TRAK2: variants seen among roughly 807,000 people sequenced by gnomAD.
TRAK2 encodes the protein trafficking kinesin protein 2.
TRAK2 carries 81 observed loss-of-function variants against 104.6 expected under a neutral mutation model. The observed-to-expected ratio is 0.77, with a 90% CI of 0.65 to 0.93. TRAK2 has a LOEUF of 0.93. Ranked by LOEUF, TRAK2 falls within the 40% of genes least tolerant of loss-of-function variation. The pLI is 0.00. For missense variants in TRAK2, 1,002 were observed against 1,089.0 expected, an observed-to-expected ratio of 0.92 and a Z score of 1.12; for synonymous variants, 406 against 394.4, an observed-to-expected ratio of 1.03 and a Z score of -0.35.
chr2:201,397,717 T>C, intron 6 of TRAK2, 137 bp from the exon 7 acceptor site: 1 of 628,034 alleles, frequency 1.6e-6, no homozygotes, highest in South Asian at 2.1e-5. Flanking sequence ...TTCATACATC[T>C]CTACCTGGCT....
chr2:201,420,579 C>T lies in TRAK2; in HGVS notation c.-72G>A. ...ATCAGAGTAAAGGAAATCCATCAAG[C>T]CATTCAATAATGAAATGGATTTGGT... On this transcript the variant is annotated 5_prime_UTR_variant, in exon 2 of 16. Transcript: ENST00000332624. 4.8e-6 allele frequency: 6 copies of T among 1,260,140 alleles called. No homozygotes were observed. Among genetic ancestry groups the T allele is most frequent in the South Asian group, 3.7e-5 (3 of 81,768 alleles). The allele number at this position is 1,260,140 out of a possible 1,614,324, so 78.1% of individuals were successfully genotyped here.
chr2:201,410,788 G>A (rs1951638760), intron 2 of TRAK2: 1 of 1,606,268 alleles, frequency 6.2e-7, no homozygotes, highest in Admixed American at 1.7e-5. Context: ...GCTAACTTTG[G>A]GTTTCTGAGG....
At chr2:201,450,688 C>CTT (rs369626279) in intron 1 of TRAK2, among the ~76,000 whole-genome samples, 68 of 137,362 alleles carry the variant, frequency 5.0e-4, no homozygotes, top group East Asian at 1.5e-3. Context: ...GTGAAGTTAC[C>CTT]TTTTTTTTTT....
At chr2:201,424,442 C>T (rs1446614249) in intron 1 of TRAK2, among the ~76,000 whole-genome samples, 3 of 151,846 alleles carry the variant, frequency 2.0e-5, no homozygotes, top group Non-Finnish European at 2.9e-5. Flanking sequence ...AGTGTATAAC[C>T]GGCTATCTAG....
At chr2:201,388,137 A>C in intron 12 of TRAK2, 136 bp from the exon 13 acceptor site, 1 of 919,504 alleles carries the variant, frequency 1.1e-6, no homozygotes, top group Non-Finnish European at 1.7e-6. Context: ...GGAATATAGA[A>C]GTAATAACAA....
At chr2:201,416,068 T>C (rs1951689459) in intron 2 of TRAK2, among the ~76,000 whole-genome samples, 1 of 151,846 alleles carries the variant, frequency 6.6e-6, no homozygotes, top group Admixed American at 6.6e-5. Flanking sequence ...TTTAGAATCA[T>C]GTGTCAGTGA....
chr2:201,438,744 C>T (rs1309244622), intron 1 of TRAK2, among the ~76,000 whole-genome samples: 1 of 152,176 alleles, frequency 6.6e-6, no homozygotes, highest in African/African-American at 2.4e-5. Context: ...AAGTAATCCG[C>T]TCCCCCCAAC....
Position 201,386,407 on chromosome 2 carries a change from T to C in TRAK2, c.1774A>G (p.Ile592Val), listed in dbSNP as rs1182194993. Residue 592 changes from isoleucine to valine, a missense_variant, in exon 14 of 16, where the codon ATT becomes GTT. Transcript: ENST00000332624. ...GTILDPRPGV[I>V]TKGFTQLPGD... ...GGCAACTGGGTAAAGCCTTTAGTAA[T>C]GACACCTGGTCGTGGATCAAGGATG... 2 of 1,614,192 alleles carry C rather than the reference T, an allele frequency of 1.2e-6. No homozygotes were observed. The highest frequency in any genetic ancestry group is 1.7e-6 in the Non-Finnish European group (2 of 1,180,020).
In TRAK2 at chr2:201,387,957, T is replaced by C; in HGVS notation, c.1442A>G (p.Asp481Gly). Residue 481 changes from aspartate to glycine, a missense_variant, in exon 13 of 16, where the codon GAT (aspartate) becomes GGT (glycine). By Grantham distance (94) the Asp-to-Gly change is moderately conservative (BLOSUM62 -1). Coordinates refer to ENST00000332624, the MANE Select transcript of TRAK2 (RefSeq NM_015049.3). The stretch of plus-strand genomic sequence containing the variant: ...AAGGCGATGCAGTGCTGTAGCCAAA[T>C]CACTATCTCCTGAGGGTCCTGGTTG... ...MGQPGPSGDS[D>G]LATALHRLSL... 1 of 1,614,100 alleles carries C rather than the reference T, an allele frequency of 6.2e-7. No individual in the cohort carries two copies. Among genetic ancestry groups the C allele is most frequent in the Non-Finnish European group, 8.5e-7 (1 of 1,179,984 alleles).
intron 10 of TRAK2, among the ~76,000 whole-genome samples, chr2:201,390,772 T>C (rs933345670): frequency 6.6e-6 from 1 of 151,826 alleles, no homozygotes; most frequent in African/African-American, 2.4e-5. Context: ...TTCTGTAATT[T>C]CCAACTTTTC....
At chr2:201,433,000 T>C (rs2125659674) in intron 1 of TRAK2, among the ~76,000 whole-genome samples, 2 of 152,308 alleles carry the variant, frequency 1.3e-5, no homozygotes, top group Middle Eastern at 6.8e-3. Flanking sequence ...GATAAGCTAA[T>C]TTAAAAAATG....
intron 2 of TRAK2, among the ~76,000 whole-genome samples, chr2:201,414,281 A>C (rs1404426219): frequency 6.6e-6 from 1 of 152,210 alleles, no homozygotes; most frequent in Admixed American, 6.5e-5. Flanking sequence ...CTGTTTACAA[A>C]AAAGGAGAGT....
At chr2:201,412,170 T>G (rs1951652924) in intron 2 of TRAK2, 1 of 970,652 alleles carries the variant, frequency 1.0e-6, no homozygotes, top group Non-Finnish European at 1.7e-6. Context: ...AAAGGTACCA[T>G]GTCAGGGTTT....
At chr2:201,406,542 T>A (rs1458166218) in intron 3 of TRAK2, among the ~76,000 whole-genome samples, 2 of 152,312 alleles carry the variant, frequency 1.3e-5, no homozygotes, top group South Asian at 4.1e-4. Context: ...TATTGCACAA[T>A]AGTCCTTCTC....
At chr2:201,394,765 C>T (rs367645139) in intron 9 of TRAK2, 33 bp downstream of exon 9, 48 of 1,564,840 alleles carry the variant, frequency 3.1e-5, no homozygotes, top group Non-Finnish European at 4.0e-5. Flanking sequence ...ACTCTTTCCC[C>T]TCCTGAATTA....
At chr2:201,397,814 TTC>T (rs370565106) in intron 6 of TRAK2, 58 of 554,134 alleles carry the variant, frequency 1.0e-4, no homozygotes, top group Middle Eastern at 9.5e-4. Context: ...TATTGTGATT[TTC>T]TGAGATAGTT....
chr2:201,423,187 GC>G (rs1559450379), intron 1 of TRAK2, among the ~76,000 whole-genome samples: 2 of 152,002 alleles, frequency 1.3e-5, no homozygotes, highest in African/African-American at 2.4e-5. Context: ...TGATCCTCCT[GC>G]CTCAACTCCC....
At chr2:201,413,262 G>A (rs1951663701) in intron 2 of TRAK2, 6 of 1,338,510 alleles carry the variant, frequency 4.5e-6, no homozygotes, top group African/African-American at 1.4e-5. Context: ...GACATCAGCT[G>A]TTACTTCTGT....
At position 201,377,993 on chromosome 2, in the gene TRAK2, G is replaced by A. The variant is rs1216835969; in HGVS notation, c.*2550C>T. On this transcript the variant is annotated 3_prime_UTR_variant, in exon 16 of 16. Transcript: ENST00000332624. The stretch of plus-strand genomic sequence containing the variant: ...ACAAAACATAACAGATAAATTGGGA[G>A]GAATCAGCTATTAGGCTCCAATTCT... The A allele has an allele frequency of 1.3e-5, 2 of 152,364 alleles. No individual in the cohort carries two copies. Among genetic ancestry groups the A allele is most frequent in the African/African-American group, 2.4e-5 (1 of 41,428 alleles). 9.4% of individuals were successfully genotyped at this position (152,364 alleles called of 1,614,324 possible). A position where few individuals can be genotyped will look rare whatever the true frequency, so the allele number is the denominator to read the frequency against.
Sources: allele counts gnomAD v4.1 joint callset (sites outside exome capture counted in the v4.1 genomes callset), GRCh38; gene constraint gnomAD v4.1.1; transcripts MANE v1.5; gene names NCBI Gene and HGNC (gene_info 2026-07-23, HGNC 2026-07-21).